ALDH9A1: variants seen among roughly 807,000 people sequenced by gnomAD.
The protein encoded by ALDH9A1 is 4-trimethylaminobutyraldehyde dehydrogenase.
A neutral mutation model predicts 56.6 loss-of-function variants in ALDH9A1; 42 were observed. That is an observed-to-expected ratio of 0.74 (90% CI 0.58 to 0.96). ALDH9A1 has a LOEUF of 0.96. Among genes scored for constraint, ALDH9A1 ranks in the 40% least tolerant of loss-of-function variants. The probability of loss-of-function intolerance (pLI) is 0.00; values close to 1 mark genes in which losing one functional copy is unlikely to be tolerated. For missense variants in ALDH9A1, 661 were observed against 651.5 expected (o/e 1.01, Z -0.16); for synonymous variants, 242 against 236.0 (o/e 1.03, Z -0.23).
intron 7 of ALDH9A1, 72 bp downstream of exon 7, chr1:165,669,190 A>C (rs1649097762): frequency 6.9e-7 from 1 of 1,440,692 alleles, no homozygotes; most frequent in Admixed American, 2.2e-5. Flanking sequence ...TAACATGAAA[A>C]GGGCACAAAG....
chr1:165,697,879 A>G (rs1358056425), intron 1 of ALDH9A1, among the ~76,000 whole-genome samples: 5 of 151,478 alleles, frequency 3.3e-5, no homozygotes, highest in Non-Finnish European at 5.9e-5. Flanking sequence ...AAATACAAAA[A>G]TTAGCCGGAC....
chr1:165,671,001 A>G (rs1340999382), intron 6 of ALDH9A1, among the ~76,000 whole-genome samples: 2 of 152,292 alleles, frequency 1.3e-5, no homozygotes, highest in African/African-American at 4.8e-5. Context: ...AACGTGGGAG[A>G]TGGAGGTTGC....
chr1:165,667,358 C>T lies in ALDH9A1; in HGVS notation c.1300G>A (p.Glu434Lys). ...CCAAAAGTGGTATCATTGGCTCTTT[C>T]TAGAACCTCAGCTTCAGTGTCAAAT... ...LSFDTEAEVL[E>K]RANDTTFGLA... The change falls in exon 9 of 11, where the codon GAA becomes AAA. Residue 434 changes from glutamate to lysine, a missense_variant. Physicochemically the swap from Glu to Lys is moderately conservative, Grantham distance 56. Coordinates refer to ENST00000354775, the MANE Select transcript of ALDH9A1 (RefSeq NM_000696.4). The T allele has an allele frequency of 1.2e-6, 2 of 1,614,126 alleles. No homozygotes were observed. The highest frequency in any genetic ancestry group is 1.6e-4 in the Middle Eastern group (1 of 6,062).
rs907937965 is a variant in ALDH9A1, at chr1:165,698,202, G to A, written c.181+176C>T. The A allele has an allele frequency of 5.9e-6, 8 of 1,362,994 alleles. No homozygotes were observed. In the South Asian group the frequency reaches 1.5e-4, roughly 26 times the overall value. 84.4% of individuals were successfully genotyped at this position (1,362,994 alleles called of 1,614,324 possible). A position where few individuals can be genotyped will look rare whatever the true frequency, so the allele number is the denominator to read the frequency against. ...TTTTCCTCCCTACCCATCCCTGCCC[G>A]GAGGCACTCGCGTTGCCCCAGAATC... is the stretch of plus-strand genomic sequence containing the variant. On this transcript the variant is annotated intron_variant, in intron 1 of 10. Coordinates refer to ENST00000354775, the MANE Select transcript of ALDH9A1 (RefSeq NM_000696.4).
chr1:165,668,339 ACT>A (rs756282832), intron 8 of ALDH9A1, among the ~76,000 whole-genome samples: 25 of 151,970 alleles, frequency 1.6e-4, no homozygotes, highest in Middle Eastern at 3.4e-3. Context: ...GTGCATTCTC[ACT>A]CTGTGAGTTC....
Position 165,662,754 on chromosome 1 carries a change from T to C in ALDH9A1, c.*296A>G, listed in dbSNP as rs1435732837. On this transcript the variant is annotated 3_prime_UTR_variant, in exon 11 of 11. Coordinates refer to ENST00000354775, the MANE Select transcript of ALDH9A1 (RefSeq NM_000696.4). ...CAGTGGGCCAAATGTGTGGAAGATG[T>C]ATTATCCTAGTCTCTTTTCCTGTTC... is the stretch of plus-strand genomic sequence containing the variant. 6.2e-6 allele frequency: 2 copies of C among 320,814 alleles called. No homozygotes were observed. The allele number at this position is 320,814 out of a possible 1,614,324, so 19.9% of individuals were successfully genotyped here.
chr1:165,695,485 GTC>G, intron 1 of ALDH9A1, 88 bp from the exon 2 acceptor site: 28 of 439,906 alleles, frequency 6.4e-5, no homozygotes, highest in Non-Finnish European at 8.7e-5. Flanking sequence ...CTTAGTAGTA[GTC>G]TTTTTTTTTT....
intron 3 of ALDH9A1, 22 bp downstream of exon 3, chr1:165,682,959 C>T: frequency 6.2e-7 from 1 of 1,610,350 alleles, no homozygotes; most frequent in Non-Finnish European, 8.5e-7. Context: ...CAGCTGGTCA[C>T]AGACACCAGG....
intron 2 of ALDH9A1, among the ~76,000 whole-genome samples, chr1:165,686,343 G>A (rs140976040): frequency 6.6e-6 from 1 of 152,112 alleles, no homozygotes; most frequent in East Asian, 1.9e-4. Flanking sequence ...AGAAGATAGG[G>A]TGGGAGTTTA....
intron 1 of ALDH9A1, among the ~76,000 whole-genome samples, chr1:165,696,239 A>G (rs1341495483): frequency 6.6e-6 from 1 of 152,196 alleles, no homozygotes; most frequent in Non-Finnish European, 1.5e-5. Flanking sequence ...CTACTTAAAC[A>G]TATAACAGAA....
intron 8 of ALDH9A1, among the ~76,000 whole-genome samples, chr1:165,667,674 T>C (rs1649050284): frequency 6.6e-6 from 1 of 152,204 alleles, no homozygotes; most frequent in Non-Finnish European, 1.5e-5. Context: ...GCTTTTCCTA[T>C]TTATTAAATA....
chr1:165,694,988 C>G (rs532319581), intron 2 of ALDH9A1, among the ~76,000 whole-genome samples: 81 of 151,532 alleles, frequency 5.3e-4, no homozygotes, highest in African/African-American at 1.7e-3. Context: ...AAAAAAAGGA[C>G]GATGAGCTAT....
At chr1:165,687,045 A>G (rs757647956) in intron 2 of ALDH9A1, among the ~76,000 whole-genome samples, 1 of 152,194 alleles carries the variant, frequency 6.6e-6, no homozygotes, top group African/African-American at 2.4e-5. Flanking sequence ...ATGAAAATAC[A>G]CTAGATGAGA....
intron 6 of ALDH9A1, among the ~76,000 whole-genome samples, chr1:165,670,456 A>G (rs942373061): frequency 4.0e-5 from 6 of 151,858 alleles, no homozygotes; most frequent in African/African-American, 1.5e-4. Flanking sequence ...AAGAGACAAT[A>G]CTGGTAATTC....
intron 4 of ALDH9A1, 129 bp from the exon 5 acceptor site, chr1:165,680,812 A>C: frequency 1.2e-6 from 1 of 862,156 alleles, no homozygotes; most frequent in Non-Finnish European, 1.8e-6. Context: ...CTACATCAAA[A>C]ATGTTATTAA....
At chr1:165,688,481 T>A (rs990198940) in intron 2 of ALDH9A1, among the ~76,000 whole-genome samples, 1 of 152,208 alleles carries the variant, frequency 6.6e-6, no homozygotes, top group Non-Finnish European at 1.5e-5. Flanking sequence ...TAAAATATTT[T>A]AAAAAATAAT....
At chr1:165,678,482 T>C (rs1332629923) in intron 6 of ALDH9A1, among the ~76,000 whole-genome samples, 1 of 152,216 alleles carries the variant, frequency 6.6e-6, no homozygotes, top group Non-Finnish European at 1.5e-5. Flanking sequence ...GGGCAAGTTC[T>C]TTCTTACAGT....
At chr1:165,687,602 T>C (rs1649752337) in intron 2 of ALDH9A1, among the ~76,000 whole-genome samples, 1 of 152,126 alleles carries the variant, frequency 6.6e-6, no homozygotes, top group South Asian at 2.1e-4. Flanking sequence ...GAAAAAACTA[T>C]TTACCTACAA....
intron 2 of ALDH9A1, 32 bp downstream of exon 2, chr1:165,695,220 T>C: frequency 1.3e-6 from 2 of 1,568,642 alleles, no homozygotes; most frequent in Non-Finnish European, 1.7e-6. Flanking sequence ...GAGCAATGTC[T>C]GAGTTCTGGA....
Sources: allele counts gnomAD v4.1 joint callset (sites outside exome capture counted in the v4.1 genomes callset), GRCh38; gene constraint gnomAD v4.1.1; transcripts MANE v1.5; gene names NCBI Gene and HGNC (gene_info 2026-07-23, HGNC 2026-07-21).